The following USP34 variants were observed in gnomAD, a reference collection of about 807,000 sequenced individuals.
USP34 encodes the protein ubiquitin specific peptidase 34, also known as ubiquitin carboxyl-terminal hydrolase 34.
In USP34, 70 loss-of-function variants were observed where a neutral mutation model predicts 460.3. The ratio of observed to expected loss-of-function variants is 0.15; its 90% confidence interval spans 0.13 to 0.19. The LOEUF (loss-of-function observed/expected upper bound fraction) is 0.19, where lower values mean the gene tolerates loss of function less well. USP34 is among the 10% of genes least tolerant of loss of function. USP34 has a pLI of 1.00. For synonymous variants in USP34, 1,647 were observed against 1,405.3 expected, an observed-to-expected ratio of 1.17 and a Z score of -3.85; for missense variants, 3,985 against 4,236.2, an observed-to-expected ratio of 0.94 and a Z score of 1.65.
intron 1 of USP34, among the ~76,000 whole-genome samples, chr2:61,447,356 G>A (rs1466337378): frequency 1.3e-5 from 2 of 150,652 alleles, no homozygotes; most frequent in Non-Finnish European, 2.9e-5. Context: ...CAAGTTCATG[G>A]TGTCAGGTTC....
intron 16 of USP34, among the ~76,000 whole-genome samples, chr2:61,341,654 C>A (rs1180304139): frequency 6.6e-6 from 1 of 151,952 alleles, no homozygotes; most frequent in Non-Finnish European, 1.5e-5. Flanking sequence ...CTGTGGCCCT[C>A]ACCAGAAGCA....
At chr2:61,421,024 G>A (rs1402584360) in intron 1 of USP34, among the ~76,000 whole-genome samples, 191 bp from the exon 2 acceptor site, 2 of 151,844 alleles carry the variant, frequency 1.3e-5, no homozygotes, top group Non-Finnish European at 2.9e-5. Flanking sequence ...CAGATGTAAG[G>A]GGTGGGGGGG....
intron 7 of USP34, among the ~76,000 whole-genome samples, chr2:61,379,800 C>T (rs938303967): frequency 8.5e-5 from 13 of 152,226 alleles, no homozygotes; most frequent in Non-Finnish European, 1.8e-4. Context: ...ATTTGGCCTA[C>T]GGCCCAATAA....
intron 43 of USP34, among the ~76,000 whole-genome samples, chr2:61,261,691 GCTTT>G (rs1440920347): frequency 2.0e-5 from 3 of 152,124 alleles, no homozygotes; most frequent in African/African-American, 7.2e-5. Context: ...AATATATGTA[GCTTT>G]CTTTAAACTT....
chr2:61,228,695 C>G lies in USP34; in HGVS notation c.7393G>C (p.Ala2465Pro). 6.2e-7 allele frequency: 1 copy of G among 1,611,190 alleles called. No individual in the cohort carries two copies. Among genetic ancestry groups the G allele is most frequent in the Non-Finnish European group, 8.5e-7 (1 of 1,179,066 alleles). Reference protein sequence around the residue: ...EESQFLLSLQAISTMVHFYMG... With the variant: ...EESQFLLSLQPISTMVHFYMG... ...TAAAAATGTACCATTGTAGATATAG[C>G]TTGCAATGAAAGCAAAAATTGGCTC... The change falls in exon 61 of 80, where the codon GCT (alanine) becomes CCT (proline). Residue 2465 changes from alanine to proline, a missense_variant. By Grantham distance (27) the Ala-to-Pro change is conservative. This residue lies in a region of USP34 where 604 missense variants were observed against 684.8 expected (regional missense o/e 0.88). Transcript: ENST00000398571.
In USP34 at chr2:61,405,906, T is replaced by G. The variant is rs1204480330; in HGVS notation, c.354A>C (p.Arg118Ser). 1 of 1,613,670 alleles carries G rather than the reference T, an allele frequency of 6.2e-7. No individual in the cohort carries two copies. Among genetic ancestry groups the G allele is most frequent in the Non-Finnish European group, 8.5e-7 (1 of 1,179,972 alleles). Residue 118 changes from arginine to serine, a missense_variant, in exon 3 of 80, where the codon AGA (arginine) becomes AGC (serine). By Grantham distance (110) the Arg-to-Ser change is moderately radical. Around this residue, in one of 14 missense-constraint regions of USP34, gnomAD observed 331 missense variants for 293.7 expected, o/e 1.13. Transcript: ENST00000398571. ...TTGATTTTTTTTCTATTGATTTTTG[T>G]CTTTCTGTACTTCCTTCATTACACT... ...DRECNEGSTE[R>S]QKSIEKKSNS...
chr2:61,437,583 C>A (rs1249582926), intron 1 of USP34, among the ~76,000 whole-genome samples: 1 of 151,824 alleles, frequency 6.6e-6, no homozygotes, highest in Non-Finnish European at 1.5e-5. Context: ...ACCAGCCTGG[C>A]CAATATGGTG....
chr2:61,458,601 T>A (rs1573065236), intron 1 of USP34, among the ~76,000 whole-genome samples: 1 of 103,468 alleles, frequency 9.7e-6, no homozygotes, highest in Admixed American at 1.1e-4. Flanking sequence ...CTCAGTGTCA[T>A]CAATGAAAGA....
chr2:61,370,843 A>AT (rs1302545180), intron 8 of USP34, among the ~76,000 whole-genome samples: 1 of 152,238 alleles, frequency 6.6e-6, no homozygotes, highest in Non-Finnish European at 1.5e-5. Context: ...TGTAACACTG[A>AT]TTTAGTGATG....
chr2:61,467,461 T>G (rs577648377), intron 1 of USP34, among the ~76,000 whole-genome samples: 1 of 151,598 alleles, frequency 6.6e-6, no homozygotes. Flanking sequence ...TTTTGTGAGG[T>G]TGCTTTAATA....
At position 61,188,464 on chromosome 2, in the gene USP34, T is replaced by G; in HGVS notation, c.10279A>C (p.Met3427Leu). The G allele has an allele frequency of 1.2e-6, 2 of 1,614,248 alleles. No individual in the cohort carries two copies. Among genetic ancestry groups the G allele is most frequent in the East Asian group, 2.2e-5 (1 of 44,888 alleles). The change falls in exon 80 of 80, where the codon ATG becomes CTG. Residue 3427 changes from methionine (M) to leucine (L), a missense_variant. Transcript: ENST00000398571. ...MEVPSSFSED[M>L]SNIRSQHAEE... ...GCATGCTGTGACCTGATATTTGACA[T>G]GTCTTCTGAAAACGAAGATGGAACT...
chr2:61,195,366 TAAAA>T (rs34844512), intron 75 of USP34, among the ~76,000 whole-genome samples: 16 of 140,208 alleles, frequency 1.1e-4, no homozygotes, highest in African/African-American at 4.0e-4. Flanking sequence ...TTTTAAAGGT[TAAAA>T]AAAAAAAAAA....
At chr2:61,306,486 TTTG>T (rs1271782569) in intron 27 of USP34, among the ~76,000 whole-genome samples, 20 of 152,300 alleles carry the variant, frequency 1.3e-4, no homozygotes, top group Non-Finnish European at 1.5e-4. Context: ...TGTAGTATAG[TTTG>T]AAGTCAGGTA....
At chr2:61,419,188 CT>C (rs957177672) in intron 2 of USP34, among the ~76,000 whole-genome samples, 24 of 146,624 alleles carry the variant, frequency 1.6e-4, no homozygotes, top group Admixed American at 2.7e-4. Flanking sequence ...TCCAAGGCCA[CT>C]TTTTTTTTTT....
intron 1 of USP34, among the ~76,000 whole-genome samples, chr2:61,458,300 C>G (rs1695495993): frequency 6.6e-6 from 1 of 152,216 alleles, no homozygotes; most frequent in Non-Finnish European, 1.5e-5. Flanking sequence ...GGGGTTCACA[C>G]CTGTAATCCC....
At chr2:61,367,753 A>C (rs998558944) in intron 10 of USP34, among the ~76,000 whole-genome samples, 2 of 152,138 alleles carry the variant, frequency 1.3e-5, no homozygotes, top group African/African-American at 4.8e-5. Flanking sequence ...AAAAATCTAT[A>C]TACAAATAAC....
In USP34 at chr2:61,223,132, A is replaced by G. The variant is rs200663982; in HGVS notation, c.7677T>C (p.Asp2559=). Residue 2559 remains aspartate (D), a synonymous_variant, in exon 64 of 80, where the codon GAT becomes GAC. Coordinates refer to ENST00000398571, the MANE Select transcript of USP34 (RefSeq NM_014709.4). ...TACAAGTTTGTCTTATATTGATGCC[A>G]TCACGAATATGTTGAAACAAGAAGG... is the stretch of plus-strand genomic sequence containing the variant. The part of the protein sequence containing the change: ...GFPFLFQHIR[D]GINIRQTCNL... 7 of 1,614,078 alleles carry G rather than the reference A, an allele frequency of 4.3e-6. No individual in the cohort carries two copies. The highest frequency in any genetic ancestry group is 5.9e-6 in the Non-Finnish European group (7 of 1,179,960).
At chr2:61,336,452 C>T (rs142796788) in intron 18 of USP34, among the ~76,000 whole-genome samples, 4 of 151,508 alleles carry the variant, frequency 2.6e-5, no homozygotes, top group African/African-American at 9.7e-5. Context: ...AATTTTCCTA[C>T]CTATAAAAGA....
chr2:61,306,496 G>C (rs1049326631), intron 27 of USP34, among the ~76,000 whole-genome samples: 1 of 152,152 alleles, frequency 6.6e-6, no homozygotes, highest in Non-Finnish European at 1.5e-5. Context: ...TTTGAAGTCA[G>C]GTAGCATGAT....
Sources: gnomAD v4.1 joint callset for allele counts (sites outside exome capture counted in the v4.1 genomes callset) on GRCh38, gnomAD v4.1.1 for gene constraint, gnomAD v4.1.1 regional missense constraint, MANE v1.5 for transcripts, NCBI Gene and HGNC (gene_info 2026-07-23, HGNC 2026-07-21) for gene names.